OSR1: variants seen among roughly 807,000 people sequenced by gnomAD.
The protein encoded by OSR1 is odd-skipped related transcription factor 1, also known as protein odd-skipped-related 1.
Under a neutral mutation model 15.7 loss-of-function variants are expected in OSR1, and 3 were observed. That is an observed-to-expected ratio of 0.19 (90% CI 0.09 to 0.50). The LOEUF (loss-of-function observed/expected upper bound fraction) is 0.50, where lower values mean the gene tolerates loss of function less well. Among genes scored for constraint, OSR1 ranks in the 20% least tolerant of loss-of-function variants. The pLI, the probability that OSR1 is intolerant of heterozygous loss-of-function variation, is 0.97. For synonymous variants in OSR1, 166 were observed against 152.7 expected (o/e 1.09, Z -0.64); for missense variants, 271 against 351.1 (o/e 0.77, Z 1.82).
Position 19,353,782 on chromosome 2 carries a change from C to T in OSR1, c.24G>A (p.Ala8=). ...GCAGGGAAGGGTGGATAGGCACCGG[C>T]GCCGGCAAGGTTTTGCTGCCCATTT... The part of the protein sequence containing the change: MGSKTLP[A]PVPIHPSLQL... Residue 8 remains alanine, a synonymous_variant, in exon 2 of 3, where the codon GCG becomes GCA. Coordinates refer to ENST00000272223, the MANE Select transcript of OSR1 (RefSeq NM_145260.3). 1 of 1,611,604 alleles carries T rather than the reference C, an allele frequency of 6.2e-7. No homozygotes were observed. Among genetic ancestry groups the T allele is most frequent in the Non-Finnish European group, 8.5e-7 (1 of 1,178,376 alleles).
the OSR1 span, among the ~76,000 whole-genome samples, chr2:19,344,951 A>G: frequency 6.6e-6 from 1 of 152,184 alleles, no homozygotes; most frequent in African/African-American, 2.4e-5. Context: ...AGAAACATAA[A>G]GTGAGATGGT....
chr2:19,352,538 G>T, intron 2 of OSR1, 128 bp from the exon 3 acceptor site: 1 of 1,126,886 alleles, frequency 8.9e-7, no homozygotes, highest in Non-Finnish European at 1.3e-6. Flanking sequence ...GGTACCAAGT[G>T]TGGATGGGAC....
downstream of OSR1, among the ~76,000 whole-genome samples, chr2:19,348,716 A>G (rs1664782319): frequency 6.6e-6 from 1 of 151,940 alleles, no homozygotes; most frequent in Non-Finnish European, 1.5e-5. Context: ...CCCTAACTAC[A>G]CTCTGGAAAT....
At chr2:19,349,790 GCA>G (rs1553325663), downstream of OSR1, among the ~76,000 whole-genome samples, 1 of 147,626 alleles carries the variant, frequency 6.8e-6, no homozygotes, top group Non-Finnish European at 1.5e-5. Flanking sequence ...ACTAGGAAGG[GCA>G]CCCTGTGTGT....
chr2:19,353,638 C>G lies in OSR1; in HGVS notation c.168G>C (p.Thr56=). Reference sequence around the variant, plus strand: ...GCAAGTGCATGGCCGGGTAGCCCAGCGTCCACTGATGCAGGTGCACAGCGT... The same window carrying G: ...GCAAGTGCATGGCCGGGTAGCCCAGGGTCCACTGATGCAGGTGCACAGCGT... The part of the protein sequence containing the change: ...ALHAVHLHQW[T]LGYPAMHLPR... The change falls in exon 2 of 3, where the codon ACG becomes ACC. Residue 56 remains threonine, a synonymous_variant. Coordinates refer to ENST00000272223, the MANE Select transcript of OSR1 (RefSeq NM_145260.3). 6.2e-7 allele frequency: 1 copy of G among 1,614,246 alleles called. No homozygotes were observed. The highest frequency in any genetic ancestry group is 1.1e-5 in the South Asian group (1 of 91,088).
Position 19,351,529 on chromosome 2 carries a change from AC to A in OSR1, c.*745del, listed in dbSNP as rs1226265092. On this transcript the variant is annotated 3_prime_UTR_variant, in exon 3 of 3. Coordinates refer to ENST00000272223, the MANE Select transcript of OSR1 (RefSeq NM_145260.3). ...TATTTAATAGTTAAAAAAAAAAAAA[AC>A]TCCAGTGATAAATGTCCGTTACCGA... 4 of 146,232 alleles carry A rather than the reference AC, an allele frequency of 2.7e-5. No homozygotes were observed. The East Asian group carries it at 8.2e-4, about 30-fold the overall frequency. 9.1% of individuals were successfully genotyped at this position (146,232 alleles called of 1,614,324 possible).
At chr2:19,350,864 T>G (rs9677277), downstream of OSR1, among the ~76,000 whole-genome samples, 67,949 of 151,862 alleles carry the variant, frequency 0.45, 15,727 homozygotes, top group East Asian at 0.72. Flanking sequence ...GTGCAGAGCC[T>G]CGATCCTAGG....
intron 1 of OSR1, 71 bp from the exon 2 acceptor site, chr2:19,353,908 G>T: frequency 7.8e-7 from 1 of 1,283,804 alleles, no homozygotes; most frequent in Non-Finnish European, 1.1e-6. Context: ...CCTTCCTCCT[G>T]AATTCCAGCC....
At position 19,357,473 on chromosome 2, in the gene OSR1, A is replaced by T. The variant is rs1477312171; in HGVS notation, c.-33+868T>A. Among the ~76,000 whole-genome samples, 1 of 152,100 alleles carries T rather than the reference A, an allele frequency of 6.6e-6. No individual in the cohort carries two copies. Among genetic ancestry groups the T allele is most frequent in the East Asian group, 1.9e-4 (1 of 5,176 alleles). On this transcript the variant is annotated intron_variant, in intron 1 of 2. Coordinates refer to ENST00000272223, the MANE Select transcript of OSR1 (RefSeq NM_145260.3). This position sits in a 1 kb window ranked among gnomAD's most constrained non-coding sequence, Gnocchi z 5.0. ...TTCATTCTTCTCCGAGACATTTCCG[A>T]GGAGAAATTAGTTCAGCAGGCAGCC...
chr2:19,350,544 T>G (rs779470725), downstream of OSR1, among the ~76,000 whole-genome samples: 10 of 152,172 alleles, frequency 6.6e-5, no homozygotes, highest in Non-Finnish European at 1.5e-4. Flanking sequence ...ATAGTCCAGT[T>G]GTCATCCGCG....
downstream of OSR1, among the ~76,000 whole-genome samples, chr2:19,348,725 A>G (rs1361315724): frequency 6.6e-6 from 1 of 152,118 alleles, no homozygotes; most frequent in African/African-American, 2.4e-5. Context: ...CACTCTGGAA[A>G]TAGGGGGTAG....
downstream of OSR1, among the ~76,000 whole-genome samples, chr2:19,350,244 G>A (rs573758710): frequency 2.6e-5 from 4 of 152,272 alleles, no homozygotes; most frequent in Admixed American, 2.0e-4. Context: ...AAGACCCCTT[G>A]AGGTGCCAAG....
chr2:19,357,642 G>A lies in OSR1; in HGVS notation c.-33+699C>T, dbSNP rs1034282484. On this transcript the variant is annotated intron_variant, in intron 1 of 2. Transcript: ENST00000272223. This position sits in a 1 kb window ranked among gnomAD's most constrained non-coding sequence, Gnocchi z 5.0. Reference sequence around the variant, plus strand: ...AGTGCTGTGTGTGGGTCTCGAATTGGAAAGCAGTGCTTGCGCCCACTGCAT... The same window carrying A: ...AGTGCTGTGTGTGGGTCTCGAATTGAAAAGCAGTGCTTGCGCCCACTGCAT... 2 of 151,918 alleles carry A rather than the reference G, an allele frequency of 1.3e-5. No homozygotes were observed. The highest frequency in any genetic ancestry group is 2.9e-5 in the Non-Finnish European group (2 of 68,044). 9.4% of individuals were successfully genotyped at this position (151,918 alleles called of 1,614,324 possible).
At chr2:19,349,237 A>G (rs1664791665), downstream of OSR1, among the ~76,000 whole-genome samples, 1 of 152,120 alleles carries the variant, frequency 6.6e-6, no homozygotes, top group Non-Finnish European at 1.5e-5. Context: ...TCAACCAACC[A>G]CATCACCTGG....
chr2:19,350,622 C>A (rs1053070469), downstream of OSR1, among the ~76,000 whole-genome samples: 1 of 152,142 alleles, frequency 6.6e-6, no homozygotes, highest in Non-Finnish European at 1.5e-5. Flanking sequence ...CGGGCGCCAC[C>A]GCCTGCGCGG....
chr2:19,350,300 T>TC (rs556525433), downstream of OSR1, among the ~76,000 whole-genome samples: 307 of 152,198 alleles, frequency 2.0e-3, 2 homozygotes, highest in African/African-American at 7.0e-3. Context: ...GCAGCGTGGC[T>TC]CTGAGCGTGG....
downstream of OSR1, among the ~76,000 whole-genome samples, chr2:19,349,801 G>C (rs1377876642): frequency 6.6e-6 from 1 of 152,146 alleles, no homozygotes; most frequent in Non-Finnish European, 1.5e-5. Context: ...CACCCTGTGT[G>C]TGTGTGTGTT....
chr2:19,348,307 T>C (rs992141104), downstream of OSR1: 1 of 153,138 alleles, frequency 6.5e-6, no homozygotes, highest in African/African-American at 2.4e-5. Context: ...CCTGGGCCGA[T>C]TCGCGGGGCG....
chr2:19,352,423 A>G lies in OSR1; in HGVS notation c.666-13T>C. ...GGAGTGAATATATCTGAGGGCAGAAACAGAGAGTTCATCCTTGCAAAATGA... is the reference window on the plus strand; with the variant it reads ...GGAGTGAATATATCTGAGGGCAGAAGCAGAGAGTTCATCCTTGCAAAATGA... On this transcript the variant is annotated splice_polypyrimidine_tract_variant and intron_variant, in intron 2 of 2. Transcript: ENST00000272223. The G allele has an allele frequency of 2.5e-6, 4 of 1,613,854 alleles. No homozygotes were observed. Among genetic ancestry groups the G allele is most frequent in the Non-Finnish European group, 3.4e-6 (4 of 1,179,816 alleles).
Sources: gnomAD v4.1 joint callset for allele counts (sites outside exome capture counted in the v4.1 genomes callset) on GRCh38, gnomAD v4.1.1 for gene constraint, Gnocchi (gnomAD v3.1) non-coding constraint, MANE v1.5 for transcripts, NCBI Gene and HGNC (gene_info 2026-07-23, HGNC 2026-07-21) for gene names.